CNOT10: variants seen among roughly 807,000 people sequenced by gnomAD.
CNOT10 encodes the protein CCR4-NOT transcription complex subunit 10, also known as CCR4-NOT transcription complex, subunit 10.
CNOT10 carries 30 observed loss-of-function variants against 94.6 expected under a neutral mutation model. The ratio of observed to expected loss-of-function variants is 0.32; its 90% CI spans 0.24 to 0.43. The LOEUF is 0.43. Ranked by LOEUF, CNOT10 falls within the 20% of genes least tolerant of loss-of-function variation. The pLI is 1.00. For synonymous variants in CNOT10, 289 were observed against 301.6 expected (o/e 0.96, Z 0.43); for missense variants, 759 against 877.2 (o/e 0.87, Z 1.70).
At chr3:32,720,797 C>A (rs951172494) in intron 8 of CNOT10, among the ~76,000 whole-genome samples, 3 of 151,690 alleles carry the variant, frequency 2.0e-5, no homozygotes, top group Non-Finnish European at 4.4e-5. Flanking sequence ...GATAGCTTGT[C>A]TTTTTTCTTT....
At chr3:32,705,381 G>T (rs562323051) in intron 3 of CNOT10, among the ~76,000 whole-genome samples, 12 of 152,128 alleles carry the variant, frequency 7.9e-5, no homozygotes, top group Non-Finnish European at 1.6e-4. Flanking sequence ...TCTGGCTTGG[G>T]GCTTGAATTG....
intron 1 of CNOT10, among the ~76,000 whole-genome samples, chr3:32,700,219 G>A (rs911010946): frequency 3.9e-5 from 6 of 152,056 alleles, no homozygotes; most frequent in African/African-American, 1.2e-4. Context: ...CAGGTGATCC[G>A]CCTGCCTCGG....
At chr3:32,696,429 G>T (rs1358716506) in intron 1 of CNOT10, among the ~76,000 whole-genome samples, 1 of 151,994 alleles carries the variant, frequency 6.6e-6, no homozygotes, top group Non-Finnish European at 1.5e-5. Context: ...AGTGAAGTGT[G>T]TTTTTTTAAA....
At chr3:32,697,131 A>G (rs978144296) in intron 1 of CNOT10, among the ~76,000 whole-genome samples, 1 of 151,872 alleles carries the variant, frequency 6.6e-6, no homozygotes, top group Non-Finnish European at 1.5e-5. Context: ...TTGTATTTTT[A>G]GTAGAAACGG....
In CNOT10 at chr3:32,713,243, A is replaced by G. The variant is rs1177187875; in HGVS notation, c.447A>G (p.Gln149=). ...FIEPFEEKFA[Q]AVCFLLVDLY... ...TTCTCCCAGAAGAAAAATTTGCCCA[A>G]GCAGTGTGTTTTTTGCTTGTAGACC... The change falls in exon 5 of 19, where the codon CAA becomes CAG. Residue 149 remains glutamine (Q), a synonymous_variant. Transcript: ENST00000328834. The G allele has an allele frequency of 5.1e-6, 8 of 1,573,934 alleles. No individual in the cohort carries two copies. In the East Asian group the frequency reaches 1.4e-4, roughly 27 times the overall value.
chr3:32,742,468 G>A (rs1252808405), intron 13 of CNOT10, among the ~76,000 whole-genome samples: 2 of 151,804 alleles, frequency 1.3e-5, no homozygotes, highest in Non-Finnish European at 2.9e-5. Context: ...TGCAACCTCC[G>A]CCTCCCAGGT....
At chr3:32,770,873 C>G (rs982671761) in intron 18 of CNOT10, among the ~76,000 whole-genome samples, 3 of 151,932 alleles carry the variant, frequency 2.0e-5, no homozygotes, top group African/African-American at 7.2e-5. Flanking sequence ...ACCAACATGC[C>G]TGGTTAATTT....
chr3:32,747,412 A>C (rs1325138388), intron 13 of CNOT10, among the ~76,000 whole-genome samples: 1 of 152,210 alleles, frequency 6.6e-6, no homozygotes. Context: ...AACAAGAGTG[A>C]AACTCCGTCT....
chr3:32,707,275 C>CT (rs917985366), intron 3 of CNOT10, among the ~76,000 whole-genome samples: 61 of 143,304 alleles, frequency 4.3e-4, no homozygotes, highest in Admixed American at 4.2e-4. Context: ...AAGTGTCATG[C>CT]TTTTTTTTTT....
Position 32,717,145 on chromosome 3 carries a change from CT to C in CNOT10, c.661-6del. 2 of 1,545,770 alleles carry C rather than the reference CT, an allele frequency of 1.3e-6. No homozygotes were observed. Among genetic ancestry groups the C allele is most frequent in the Non-Finnish European group, 1.8e-6 (2 of 1,133,822 alleles). ...TAGTTTTAACATACTAACATTTTCC[CT>C]TTGACAGTACAAAGTACGAGCTTAT... On this transcript the variant is annotated splice_region_variant and splice_polypyrimidine_tract_variant and intron_variant, in intron 6 of 18. Transcript: ENST00000328834.
chr3:32,750,102 T>C (rs1699894116), intron 13 of CNOT10, among the ~76,000 whole-genome samples: 1 of 152,052 alleles, frequency 6.6e-6, no homozygotes, highest in South Asian at 2.1e-4. Context: ...TCCTAGCTAC[T>C]TGGGAGACTG....
In CNOT10 at chr3:32,765,758, C is replaced by T. The variant is rs1307185814; in HGVS notation, c.2004+949C>T. On this transcript the variant is annotated intron_variant, in intron 17 of 18. Transcript: ENST00000328834. ...ATCACTTATATAAATAATAGTGCAT[C>T]TGTACAGTTGAAGACAATGCAGCTA... Among the ~76,000 whole-genome samples the T allele has an allele frequency of 5.6e-5, 3 of 53,326 alleles. 1 individual carries two copies. Among genetic ancestry groups the T allele is most frequent in the Non-Finnish European group, 1.3e-4 (3 of 23,494 alleles). 35.0% of individuals were successfully genotyped at this position (53,326 alleles called of 152,430 possible).
intron 13 of CNOT10, among the ~76,000 whole-genome samples, chr3:32,742,462 A>C (rs1415360889): frequency 6.6e-6 from 1 of 151,176 alleles, no homozygotes; most frequent in East Asian, 1.9e-4. Context: ...GCTCACTGCA[A>C]CCTCCGCCTC....
At chr3:32,769,136 A>AT (rs1700787457) in intron 17 of CNOT10, 1 of 152,266 alleles carries the variant, frequency 6.6e-6, no homozygotes, top group Non-Finnish European at 1.5e-5. Flanking sequence ...GTAGAAGTCT[A>AT]TTATCTGATT....
chr3:32,694,354 G>C (rs1696966632), intron 1 of CNOT10, among the ~76,000 whole-genome samples: 1 of 152,086 alleles, frequency 6.6e-6, no homozygotes, highest in Non-Finnish European at 1.5e-5. Context: ...CCTCCAAGTA[G>C]AATAAGTTGT....
In CNOT10 at chr3:32,687,439, G is replaced by GTTTTTTTTTTTTTTTTT. The variant is rs201119069; in HGVS notation, c.22+1969_22+1970insTTTTTTTTTTTTTTTTT. 1.4e-4 allele frequency among the ~76,000 whole-genome samples: 7 copies of GTTTTTTTTTTTTTTTTT among 51,318 alleles called. 1 individual carries two copies. Among genetic ancestry groups the GTTTTTTTTTTTTTTTTT allele is most frequent in the South Asian group, 1.1e-3 (1 of 888 alleles). The allele number at this position is 51,318 out of a possible 152,430, so 33.7% of individuals were successfully genotyped here. Reference sequence around the variant, plus strand: ...TTCTTTCTCCTTTTAAGTCCTCACGGTTTTTTTTTTTTGTTTTTTTTTTTT... The same window carrying GTTTTTTTTTTTTTTTTT: ...TTCTTTCTCCTTTTAAGTCCTCACGGTTTTTTTTTTTTTTTTTTTTTTTTTTTTTGTTTTTTTTTTTT... On this transcript the variant is annotated intron_variant, in intron 1 of 18. Coordinates refer to ENST00000328834, the MANE Select transcript of CNOT10 (RefSeq NM_015442.3).
intron 1 of CNOT10, chr3:32,695,445 T>C: frequency 4.8e-6 from 4 of 827,438 alleles, no homozygotes; most frequent in Non-Finnish European, 5.3e-6. Context: ...TTTCTTGATA[T>C]ATCAGTGGAG....
intron 13 of CNOT10, among the ~76,000 whole-genome samples, chr3:32,739,115 A>T (rs1236344696): frequency 6.6e-6 from 1 of 152,068 alleles, no homozygotes; most frequent in African/African-American, 2.4e-5. Context: ...CATGTTAGCC[A>T]GGCTGGTCTC....
intron 1 of CNOT10, among the ~76,000 whole-genome samples, chr3:32,690,393 G>A (rs897613293): frequency 2.6e-5 from 4 of 151,930 alleles, no homozygotes; most frequent in African/African-American, 9.7e-5. Context: ...TTTTTGTTTT[G>A]TTTTGTTTTG....
Sources: allele counts gnomAD v4.1 joint callset (sites outside exome capture counted in the v4.1 genomes callset), GRCh38; gene constraint gnomAD v4.1.1; transcripts MANE v1.5; gene names NCBI Gene and HGNC (gene_info 2026-07-23, HGNC 2026-07-21).